Variants in KCNK10 observed in about 807,000 individuals in gnomAD.
KCNK10 encodes the protein potassium channel subfamily K member 10.
Under a neutral mutation model 47.7 loss-of-function variants are expected in KCNK10, and 25 were observed. The observed-to-expected ratio is 0.52, with a 90% CI of 0.38 to 0.73. The LOEUF is 0.73. KCNK10 is among the 30% of genes least tolerant of loss of function. The pLI, the probability that KCNK10 is intolerant of heterozygous loss-of-function variation, is 0.00. For synonymous variants in KCNK10, 303 were observed against 285.6 expected, an observed-to-expected ratio of 1.06 and a Z score of -0.61; for missense variants, 563 against 714.5, an observed-to-expected ratio of 0.79 and a Z score of 2.42.
intron 4 of KCNK10, among the ~76,000 whole-genome samples, chr14:88,215,543 A>G (rs1018041066): frequency 2.0e-5 from 3 of 152,154 alleles, no homozygotes; most frequent in Admixed American, 6.5e-5. Context: ...GCCAAACCAT[A>G]TCAGTGACTT....
chr14:88,223,029 G>A (rs1158364996), intron 4 of KCNK10, among the ~76,000 whole-genome samples: 2 of 152,176 alleles, frequency 1.3e-5, no homozygotes, highest in African/African-American at 4.8e-5. Context: ...GGGGTTACTT[G>A]TGCTTAAAAC....
At chr14:88,279,346 AG>A (rs1887595571) in intron 1 of KCNK10, among the ~76,000 whole-genome samples, 1 of 149,240 alleles carries the variant, frequency 6.7e-6, no homozygotes, top group African/African-American at 2.5e-5. Flanking sequence ...AGTTTAGTTA[AG>A]GGAGAATTGC....
At chr14:88,212,074 C>T (rs1265242399) in intron 4 of KCNK10, among the ~76,000 whole-genome samples, 1 of 147,254 alleles carries the variant, frequency 6.8e-6, no homozygotes, top group East Asian at 2.1e-4. Context: ...GATCCCCACA[C>T]AACAATAGAA....
At chr14:88,217,779 G>A (rs1349272652) in intron 4 of KCNK10, among the ~76,000 whole-genome samples, 1 of 151,752 alleles carries the variant, frequency 6.6e-6, no homozygotes, top group East Asian at 1.9e-4. Context: ...CTGGAGTGCA[G>A]TGACACAATC....
At chr14:88,192,450 A>G (rs764740120) in intron 4 of KCNK10, 40 bp from the exon 5 acceptor site, 2 of 1,554,648 alleles carry the variant, frequency 1.3e-6, no homozygotes, top group Non-Finnish European at 1.8e-6. Context: ...AGTCAGCGGC[A>G]TCACCCTGGA....
At chr14:88,199,197 G>A (rs1885022367) in intron 4 of KCNK10, among the ~76,000 whole-genome samples, 1 of 152,132 alleles carries the variant, frequency 6.6e-6, no homozygotes, top group Non-Finnish European at 1.5e-5. Flanking sequence ...TGGGATTACA[G>A]GCGTGAGCCA....
At position 88,322,408 on chromosome 14, in the gene KCNK10, GACACACACACACAC is replaced by G. The variant is rs35179933; in HGVS notation, c.52+325_52+338del. 5.3e-5 allele frequency among the ~76,000 whole-genome samples: 8 copies of G among 150,030 alleles called. No individual in the cohort carries two copies. The highest frequency in any genetic ancestry group is 2.0e-4 in the East Asian group (1 of 5,034). On this transcript the variant is annotated intron_variant, in intron 1 of 6. Transcript: ENST00000319231. The surrounding 1 kb of genome is among the most constrained non-coding windows in gnomAD (Gnocchi z 4.8). The stretch of plus-strand genomic sequence containing the variant: ...GAGACAAAGATCACCAGAAACAAAG[GACACACACACACAC>G]ACACACACACACACACACTCGCACA...
intron 1 of KCNK10, among the ~76,000 whole-genome samples, chr14:88,282,700 C>T (rs1887676829): frequency 6.6e-6 from 1 of 152,114 alleles, no homozygotes; most frequent in Non-Finnish European, 1.5e-5. Context: ...TCCTAGGAAC[C>T]CTCCAAAGAT....
At chr14:88,258,290 C>CTT (rs1255773967) in intron 2 of KCNK10, among the ~76,000 whole-genome samples, 49 of 136,252 alleles carry the variant, frequency 3.6e-4, no homozygotes, top group African/African-American at 1.2e-3. Flanking sequence ...TATGGTGAGT[C>CTT]TTTTTTTTTT....
chr14:88,284,452 G>A (rs1887720388), intron 1 of KCNK10, among the ~76,000 whole-genome samples: 1 of 152,170 alleles, frequency 6.6e-6, no homozygotes, highest in Non-Finnish European at 1.5e-5. Flanking sequence ...GCAAGCTGAG[G>A]AGCAAAGAAG....
chr14:88,299,852 A>C lies in KCNK10; in HGVS notation c.52+22895T>G, dbSNP rs145682275. Among the ~76,000 whole-genome samples, 11 of 152,366 alleles carry C rather than the reference A, an allele frequency of 7.2e-5. No homozygotes were observed. In the East Asian group the frequency reaches 2.1e-3, roughly 29 times the overall value. ...TCAACTTACAGAAAATATTAAGTAT[A>C]TAGTGACACAGCTGATATCTAAATA... On this transcript the variant is annotated intron_variant, in intron 1 of 6. Coordinates refer to ENST00000319231, the MANE Select transcript of KCNK10 (RefSeq NM_138317.3).
At chr14:88,244,645 G>A (rs1886577463) in intron 2 of KCNK10, among the ~76,000 whole-genome samples, 1 of 152,120 alleles carries the variant, frequency 6.6e-6, no homozygotes, top group East Asian at 1.9e-4. Context: ...TCCAGCCTGG[G>A]CAACAGAGTG....
chr14:88,259,774 T>C (rs1887058206), intron 2 of KCNK10, among the ~76,000 whole-genome samples: 1 of 152,174 alleles, frequency 6.6e-6, no homozygotes, highest in African/African-American at 2.4e-5. Context: ...GCTTTTTGAC[T>C]GCTAAAATTC....
At chr14:88,229,940 G>A (rs1438103722) in intron 3 of KCNK10, among the ~76,000 whole-genome samples, 1 of 152,110 alleles carries the variant, frequency 6.6e-6, no homozygotes, top group Non-Finnish European at 1.5e-5. Context: ...ACAGTTGTCT[G>A]TAGGCTCTAG....
chr14:88,261,230 C>T (rs1333856335), intron 2 of KCNK10, among the ~76,000 whole-genome samples: 1 of 152,166 alleles, frequency 6.6e-6, no homozygotes, highest in East Asian at 1.9e-4. Context: ...AATTCAAACA[C>T]AATACTAGAT....
In KCNK10 at chr14:88,196,105, T is replaced by A. The variant is rs376552887; in HGVS notation, c.682-3695A>T. ...AATCGTGTTTTCACACTTTGTTGAT[T>A]GGTTAGACTAGAGCGCATGTTCTTC... On this transcript the variant is annotated intron_variant, in intron 4 of 6. Transcript: ENST00000319231. 3.9e-5 allele frequency among the ~76,000 whole-genome samples: 6 copies of A among 152,378 alleles called. No individual in the cohort carries two copies. In the East Asian group the frequency reaches 5.8e-4, roughly 15 times the overall value.
Position 88,186,017 on chromosome 14 carries a change from G to T in KCNK10, c.1150C>A (p.Arg384=), listed in dbSNP as rs368635469. Residue 384 remains arginine, a synonymous_variant, in exon 7 of 7, where the codon CGG becomes AGG. Transcript: ENST00000319231. The surrounding 1 kb of genome is among the most constrained non-coding windows in gnomAD (Gnocchi z 5.5). ...AATIRSMERR[R]LGLDQRAHSL... ...TGGGCCCGCTGGTCCAGGCCCAGCCGCCGGCGCTCCATGCTGCGGATGGTG... is the reference window on the plus strand; with the variant it reads ...TGGGCCCGCTGGTCCAGGCCCAGCCTCCGGCGCTCCATGCTGCGGATGGTG... 5 of 1,613,382 alleles carry T rather than the reference G, an allele frequency of 3.1e-6. No homozygotes were observed. The African/African-American group carries it at 6.7e-5, about 22-fold the overall frequency.
intron 1 of KCNK10, among the ~76,000 whole-genome samples, chr14:88,273,176 A>G (rs1319713679): frequency 6.6e-6 from 1 of 152,198 alleles, no homozygotes; most frequent in African/African-American, 2.4e-5. Context: ...ATGATGCTCA[A>G]GGGAGCAACA....
chr14:88,212,553 C>A (rs1285780677), intron 4 of KCNK10, among the ~76,000 whole-genome samples: 1 of 152,078 alleles, frequency 6.6e-6, no homozygotes, highest in Non-Finnish European at 1.5e-5. Context: ...TGGAAAAGGG[C>A]AGCACACATG....
Sources: gnomAD v4.1 joint callset for allele counts (sites outside exome capture counted in the v4.1 genomes callset) on GRCh38, gnomAD v4.1.1 for gene constraint, Gnocchi (gnomAD v3.1) non-coding constraint, MANE v1.5 for transcripts, NCBI Gene and HGNC (gene_info 2026-07-23, HGNC 2026-07-21) for gene names.